The following DLG2 variants were observed in gnomAD, a reference collection of about 807,000 sequenced individuals.
DLG2 encodes discs large MAGUK scaffold protein 2, also known as disks large homolog 2.
A neutral mutation model predicts 132.5 loss-of-function variants in DLG2; 45 were observed. The observed-to-expected ratio is 0.34, with a 90% CI of 0.27 to 0.44. The LOEUF (loss-of-function observed/expected upper bound fraction) is 0.44, where lower values mean the gene tolerates loss of function less well. Ranked by LOEUF, DLG2 falls within the 20% of genes least tolerant of loss-of-function variation. The probability of loss-of-function intolerance (pLI) is 1.00; values close to 1 mark genes in which losing one functional copy is unlikely to be tolerated. For synonymous variants in DLG2, 424 were observed against 419.6 expected, an observed-to-expected ratio of 1.01 and a Z score of -0.13; for missense variants, 1,045 against 1,196.9, an observed-to-expected ratio of 0.87 and a Z score of 1.87.
intron 16 of DLG2, among the ~76,000 whole-genome samples, chr11:83,854,470 TA>T (rs1447902960): frequency 6.6e-6 from 1 of 152,076 alleles, no homozygotes; most frequent in African/African-American, 2.4e-5. Context: ...TATAAAGCTA[TA>T]GTAATCAAGA....
chr11:84,888,753 T>A (rs2088794012), intron 6 of DLG2, among the ~76,000 whole-genome samples: 1 of 152,176 alleles, frequency 6.6e-6, no homozygotes, highest in South Asian at 2.1e-4. Context: ...TCAACCCTCT[T>A]CTTCCTTCAT....
At chr11:84,892,326 C>A (rs79185297) in intron 6 of DLG2, among the ~76,000 whole-genome samples, 11 of 152,108 alleles carry the variant, frequency 7.2e-5, no homozygotes, top group African/African-American at 2.2e-4. Context: ...AATCAGAGAT[C>A]TTGTTTCAGC....
intron 6 of DLG2, among the ~76,000 whole-genome samples, chr11:84,655,391 A>C (rs971465727): frequency 2.6e-5 from 4 of 152,216 alleles, no homozygotes. Flanking sequence ...CCAATGGCAC[A>C]AATAATCCTT....
intron 6 of DLG2, among the ~76,000 whole-genome samples, chr11:84,780,999 A>G (rs1337439490): frequency 1.3e-5 from 1 of 75,880 alleles, no homozygotes; most frequent in Non-Finnish European, 3.1e-5. Context: ...GGATTGTACA[A>G]AAAAAAAAAA....
At chr11:83,873,175 T>C (rs1031341485) in intron 16 of DLG2, among the ~76,000 whole-genome samples, 1 of 152,206 alleles carries the variant, frequency 6.6e-6, no homozygotes, top group Non-Finnish European at 1.5e-5. Context: ...GTCCAAGCTA[T>C]GCTACTTTCT....
intron 3 of DLG2, among the ~76,000 whole-genome samples, chr11:85,412,778 T>TC (rs1184143212): frequency 6.7e-6 from 1 of 148,666 alleles, no homozygotes; most frequent in East Asian, 2.0e-4. Context: ...TATATATATA[T>TC]ATATATATCA....
intron 6 of DLG2, among the ~76,000 whole-genome samples, chr11:84,554,084 GC>G: frequency 6.6e-6 from 1 of 152,258 alleles, no homozygotes; most frequent in East Asian, 1.9e-4. Flanking sequence ...AAACCCATGA[GC>G]AACTTCTAGT....
At chr11:83,689,991 AT>A (rs1357144818) in intron 18 of DLG2, among the ~76,000 whole-genome samples, 4 of 134,736 alleles carry the variant, frequency 3.0e-5, no homozygotes, top group African/African-American at 8.1e-5. Context: ...TATATTTATT[AT>A]AATATTATAT....
rs76251334 is a variant in DLG2 at position 84,678,802 on chromosome 11, G to A, written c.358-144071C>T. 2.4e-3 allele frequency among the ~76,000 whole-genome samples: 360 copies of A among 152,156 alleles called. 3 individuals carry two copies. Among genetic ancestry groups the A allele is most frequent in the African/African-American group, 8.4e-3 (350 of 41,540 alleles). On this transcript the variant is annotated intron_variant, in intron 6 of 27. Coordinates refer to ENST00000376104, the MANE Select transcript of DLG2 (RefSeq NM_001142699.3). ...TGAACTAGAAATGAACAGAAATTGA[G>A]TCTAGTTCCTTTTCCTGTCCTCATA... is the stretch of plus-strand genomic sequence containing the variant.
chr11:83,748,531 G>A (rs767907146), intron 18 of DLG2, among the ~76,000 whole-genome samples: 2 of 152,156 alleles, frequency 1.3e-5, no homozygotes, highest in African/African-American at 4.8e-5. Flanking sequence ...GAAGAAGAGA[G>A]ATAAACAGTC....
intron 18 of DLG2, among the ~76,000 whole-genome samples, chr11:83,723,494 CA>C (rs1371503360): frequency 6.6e-6 from 1 of 152,186 alleles, no homozygotes; most frequent in East Asian, 1.9e-4. Flanking sequence ...ATCATAATAA[CA>C]ACAGCTGACA....
chr11:83,615,664 C>T (rs185779633), intron 19 of DLG2, among the ~76,000 whole-genome samples: 61 of 152,276 alleles, frequency 4.0e-4, no homozygotes, highest in Admixed American at 3.5e-3. Context: ...CAGAGAGATA[C>T]GCCATGAGAA....
chr11:84,362,326 T>A (rs2098654431), intron 7 of DLG2, among the ~76,000 whole-genome samples: 1 of 151,940 alleles, frequency 6.6e-6, no homozygotes, highest in South Asian at 2.1e-4. Context: ...AAATCCCTGG[T>A]GAATTAATCA....
Position 83,789,675 on chromosome 11 carries a change from G to C in DLG2, c.1723-2883C>G, listed in dbSNP as rs536382969. 5.6e-4 allele frequency among the ~76,000 whole-genome samples: 85 copies of C among 152,170 alleles called. No homozygotes were observed. The South Asian group carries it at 0.017, about 31-fold the overall frequency. On this transcript the variant is annotated intron_variant, in intron 17 of 27. Coordinates refer to ENST00000376104, the MANE Select transcript of DLG2 (RefSeq NM_001142699.3). Reference sequence around the variant, plus strand: ...CAATTCTCCTGCCTCAGCCTCCTGAGTAGCTGGGACTACAGGCACGTGCCA... The same window carrying C: ...CAATTCTCCTGCCTCAGCCTCCTGACTAGCTGGGACTACAGGCACGTGCCA...
At chr11:84,776,988 A>G (rs1597862172) in intron 6 of DLG2, among the ~76,000 whole-genome samples, 2 of 152,116 alleles carry the variant, frequency 1.3e-5, no homozygotes, top group South Asian at 4.1e-4. Flanking sequence ...TAGGGTATCC[A>G]TCACTCAAAT....
intron 6 of DLG2, among the ~76,000 whole-genome samples, chr11:84,701,191 AT>A (rs112132617): frequency 3.4e-3 from 499 of 148,730 alleles, no homozygotes; most frequent in East Asian, 0.02. Context: ...CTTCCAATAC[AT>A]TTTTTTTTTC....
chr11:84,568,819 A>G (rs6592191), intron 6 of DLG2, among the ~76,000 whole-genome samples: 78,801 of 152,106 alleles, frequency 0.52, 22,132 homozygotes, highest in African/African-American at 0.73. Context: ...CTTGGCCCAG[A>G]AGGTCAAATA....
intron 6 of DLG2, among the ~76,000 whole-genome samples, chr11:85,067,047 T>C (rs1055118239): frequency 3.3e-5 from 5 of 151,736 alleles, no homozygotes; most frequent in Non-Finnish European, 7.4e-5. Context: ...TTACTGAGTA[T>C]ATATCCAAAG....
intron 17 of DLG2, among the ~76,000 whole-genome samples, chr11:83,831,450 T>C (rs564778705): frequency 1.3e-5 from 2 of 152,164 alleles, no homozygotes; most frequent in Admixed American, 6.6e-5. Flanking sequence ...AGGCTATTCA[T>C]GCAAATTTCC....
Sources: allele counts gnomAD v4.1 joint callset (sites outside exome capture counted in the v4.1 genomes callset), GRCh38; gene constraint gnomAD v4.1.1; transcripts MANE v1.5; gene names NCBI Gene and HGNC (gene_info 2026-07-23, HGNC 2026-07-21).